ADGRF4: variants seen among roughly 807,000 people sequenced by gnomAD.
ADGRF4 encodes adhesion G protein-coupled receptor F4, also known as G-protein coupled receptor PGR18.
ADGRF4 carries 63 observed loss-of-function variants against 58.5 expected under a neutral mutation model. That is an observed-to-expected ratio of 1.08 (90% CI 0.88 to 1.33). The LOEUF (loss-of-function observed/expected upper bound fraction) is 1.33. Among genes scored for constraint, ADGRF4 ranks in the 40% most tolerant of loss-of-function variants. The pLI, the probability that ADGRF4 is intolerant of heterozygous loss-of-function variation, is 0.00. For missense variants in ADGRF4, 931 were observed against 843.9 expected, an observed-to-expected ratio of 1.10 and a Z score of -1.28; for synonymous variants, 313 against 295.4, an observed-to-expected ratio of 1.06 and a Z score of -0.61.
chr6:47,715,455 A>T (rs186160003), intron 6 of ADGRF4: 24 of 308,282 alleles, frequency 7.8e-5, no homozygotes, highest in African/African-American at 4.8e-4. Context: ...ATAGAGGACT[A>T]TTCTTTGGTC....
At chr6:47,719,912 T>C (rs1772116582) in intron 9 of ADGRF4, among the ~76,000 whole-genome samples, 1 of 152,290 alleles carries the variant, frequency 6.6e-6, no homozygotes, top group Non-Finnish European at 1.5e-5. Flanking sequence ...TAATTCTCTA[T>C]CAAGTTGCTG....
In ADGRF4 at chr6:47,714,676, A is replaced by C; in HGVS notation, c.1431A>C (p.Thr477=). Residue 477 remains threonine (T), a synonymous_variant, in exon 6 of 10, where the codon ACA becomes ACC. Transcript: ENST00000283303. The part of the protein sequence containing the change: ...AQDYNMCVAV[T]FFSHFFYLSL... ...ACTACAACATGTGTGTTGCAGTGACATTTTTCAGCCACTTTTTCTACCTCT... is the reference window on the plus strand; with the variant it reads ...ACTACAACATGTGTGTTGCAGTGACCTTTTTCAGCCACTTTTTCTACCTCT... The C allele has an allele frequency of 6.2e-7, 1 of 1,614,074 alleles. No individual in the cohort carries two copies. The highest frequency in any genetic ancestry group is 8.5e-7 in the Non-Finnish European group (1 of 1,180,014).
In ADGRF4 at chr6:47,707,346, T is replaced by G. The variant is rs2113897940; in HGVS notation, c.93+8T>G. ...TCCAAGATTCACCTAAAAGTAAGTT[T>G]GATCTATTCCTATGTGATCCGAGGA... On this transcript the variant is annotated splice_region_variant and intron_variant, in intron 2 of 9. Transcript: ENST00000283303. 6.5e-7 allele frequency: 1 copy of G among 1,532,160 alleles called. No individual in the cohort carries two copies. Among genetic ancestry groups the G allele is most frequent in the Non-Finnish European group, 9.0e-7 (1 of 1,105,154 alleles). The allele number at this position is 1,532,160 out of a possible 1,614,324, so 94.9% of individuals were successfully genotyped here. A position where few individuals can be genotyped will look rare whatever the true frequency, so the allele number is the denominator to read the frequency against.
chr6:47,709,132 C>G (rs1312486659), intron 3 of ADGRF4, among the ~76,000 whole-genome samples: 1 of 150,880 alleles, frequency 6.6e-6, no homozygotes, highest in East Asian at 1.9e-4. Flanking sequence ...CACAGAGCTG[C>G]CCAAGCCACT....
Position 47,714,917 on chromosome 6 carries a change from G to A in ADGRF4, c.1672G>A (p.Ala558Thr), listed in dbSNP as rs1174684002. 6.2e-7 allele frequency: 1 copy of A among 1,613,364 alleles called. No individual in the cohort carries two copies. Among genetic ancestry groups the A allele is most frequent in the Admixed American group, 1.7e-5 (1 of 59,988 alleles). Residue 558 changes from alanine to threonine, a missense_variant, in exon 6 of 10, where the codon GCC becomes ACC. Coordinates refer to ENST00000283303, the MANE Select transcript of ADGRF4 (RefSeq NM_153838.5). ...TTGGCTTAACTGGGACAATACCAAA[G>A]CCCTTTTAGCATTTGCCATCCCGGC... ...ACWLNWDNTKALLAFAIPAFV... is the reference protein window; with the variant it reads ...ACWLNWDNTKTLLAFAIPAFV...
At chr6:47,702,521 C>G (rs1375085953) in intron 1 of ADGRF4, among the ~76,000 whole-genome samples, 1 of 152,170 alleles carries the variant, frequency 6.6e-6, no homozygotes, top group Non-Finnish European at 1.5e-5. Flanking sequence ...TTTCTTTAAC[C>G]TTTTTGTGCC....
At chr6:47,701,210 T>C (rs1771581343) in intron 1 of ADGRF4, among the ~76,000 whole-genome samples, 1 of 152,244 alleles carries the variant, frequency 6.6e-6, no homozygotes, top group African/African-American at 2.4e-5. Context: ...TTCTTTGTAA[T>C]GACCATGTTA....
At chr6:47,710,100 A>G (rs1771825249) in intron 3 of ADGRF4, among the ~76,000 whole-genome samples, 1 of 152,174 alleles carries the variant, frequency 6.6e-6, no homozygotes, top group South Asian at 2.1e-4. Context: ...CACATCAAAC[A>G]AGGTCATATA....
At position 47,712,610 on chromosome 6, in the gene ADGRF4, T is replaced by C. The variant is rs758708505; in HGVS notation, c.552+2T>C. On this transcript the variant is annotated splice_donor_variant, in intron 5 of 9. Coordinates refer to ENST00000283303, the MANE Select transcript of ADGRF4 (RefSeq NM_153838.5). LOFTEE classifies it high-confidence loss of function. Reference sequence around the variant, plus strand: ...AATGTTACTCGAGAGAAAATGAAGGTATTCTTTGTTAATCATTTAAAAATG... The same window carrying C: ...AATGTTACTCGAGAGAAAATGAAGGCATTCTTTGTTAATCATTTAAAAATG... 2.6e-6 allele frequency: 4 copies of C among 1,563,204 alleles called. No individual in the cohort carries two copies. The South Asian group carries it at 4.5e-5, about 18-fold the overall frequency.
intron 1 of ADGRF4, among the ~76,000 whole-genome samples, chr6:47,699,189 C>T (rs966540456): frequency 1.3e-4 from 20 of 152,136 alleles, no homozygotes; most frequent in African/African-American, 4.8e-4. Context: ...TTTTAGTGAG[C>T]CTGAAAAAGC....
chr6:47,714,613 G>A lies in ADGRF4; in HGVS notation c.1368G>A (p.Trp456Ter). The change falls in exon 6 of 10, where the codon TGG (tryptophan) becomes TGA (stop). Residue 456 changes from tryptophan to a stop codon, truncating the protein, a stop_gained. Coordinates refer to ENST00000283303, the MANE Select transcript of ADGRF4 (RefSeq NM_153838.5). LOFTEE classifies it high-confidence loss of function. Reference protein sequence around the residue: ...IAVSLLTANVWFIIGSHFNIK... With the variant: ...IAVSLLTANV The stretch of plus-strand genomic sequence containing the variant: ...TGTCCCTTCTGACTGCCAATGTGTG[G>A]TTTATCATAGGCTCTCACTTTAACA... 1 of 1,614,090 alleles carries A rather than the reference G, an allele frequency of 6.2e-7. No individual in the cohort carries two copies. Among genetic ancestry groups the A allele is most frequent in the African/African-American group, 1.3e-5 (1 of 75,010 alleles).
At position 47,718,098 on chromosome 6, in the gene ADGRF4, C is replaced by A. The variant is rs145688855; in HGVS notation, c.2035-291C>A. Among the ~76,000 whole-genome samples, 83 of 152,302 alleles carry A rather than the reference C, an allele frequency of 5.4e-4. 2 individuals are homozygous for A. In the East Asian group the frequency reaches 0.013, roughly 23 times the overall value. On this transcript the variant is annotated intron_variant, in intron 8 of 9. Coordinates refer to ENST00000283303, the MANE Select transcript of ADGRF4 (RefSeq NM_153838.5). ...CATAATTTATCTATTCTAAGATAGG[C>A]ATTTTCTTCGTCTTTTAACGTTTCT...
In ADGRF4 at chr6:47,713,790, C is replaced by T. The variant is rs1771929380; in HGVS notation, c.553-8C>T. On this transcript the variant is annotated splice_polypyrimidine_tract_variant and splice_region_variant and intron_variant, in intron 5 of 9. Transcript: ENST00000283303. ...CCTTAGTATAATGTTCACCTTTCTC[C>T]ATTGCAGAGCTATAGTGAAGTGGCC... is the stretch of plus-strand genomic sequence containing the variant. 1 of 1,516,672 alleles carries T rather than the reference C, an allele frequency of 6.6e-7. No homozygotes were observed. Among genetic ancestry groups the T allele is most frequent in the South Asian group, 1.3e-5 (1 of 74,166 alleles). 94.0% of individuals were successfully genotyped at this position (1,516,672 alleles called of 1,614,324 possible).
chr6:47,718,564 G>A (rs906243473), intron 9 of ADGRF4, 119 bp downstream of exon 9: 19 of 701,500 alleles, frequency 2.7e-5, no homozygotes, highest in African/African-American at 1.8e-4. Flanking sequence ...AGGGGAAGAG[G>A]GGGACATCTT....
At chr6:47,700,925 A>G (rs928418810) in intron 1 of ADGRF4, among the ~76,000 whole-genome samples, 1 of 151,260 alleles carries the variant, frequency 6.6e-6, no homozygotes, top group African/African-American at 2.5e-5. Context: ...ATAGAGAAAC[A>G]TCAGGTGTTT....
rs748718756 is a variant in ADGRF4 at position 47,712,637 on chromosome 6, T to C, written c.552+29T>C. 3 of 1,532,222 alleles carry C rather than the reference T, an allele frequency of 2.0e-6. No individual in the cohort carries two copies. In the Admixed American group the frequency reaches 5.2e-5, roughly 27 times the overall value. 94.9% of individuals were successfully genotyped at this position (1,532,222 alleles called of 1,614,324 possible). ...TTCTTTGTTAATCATTTAAAAATGATGTTTTTCTTAAAATTTTCATTTGAA... is the reference window on the plus strand; with the variant it reads ...TTCTTTGTTAATCATTTAAAAATGACGTTTTTCTTAAAATTTTCATTTGAA... On this transcript the variant is annotated intron_variant, in intron 5 of 9. Transcript: ENST00000283303.
At chr6:47,711,365 C>T (rs1469123978) in intron 4 of ADGRF4, among the ~76,000 whole-genome samples, 4 of 152,234 alleles carry the variant, frequency 2.6e-5, no homozygotes, top group South Asian at 4.2e-4. Flanking sequence ...CGGGTTCAAG[C>T]AATTTTCCTG....
At chr6:47,698,969 C>T (rs1225654317) in intron 1 of ADGRF4, among the ~76,000 whole-genome samples, 175 bp downstream of exon 1, 1 of 152,200 alleles carries the variant, frequency 6.6e-6, no homozygotes. Context: ...TGGAGTATTT[C>T]CTAAGCCTCT....
intron 1 of ADGRF4, among the ~76,000 whole-genome samples, chr6:47,703,919 T>C (rs1195911219): frequency 6.6e-6 from 1 of 152,198 alleles, no homozygotes; most frequent in Non-Finnish European, 1.5e-5. Flanking sequence ...ATTTTTAGAC[T>C]TCACAAATGA....
Sources: gnomAD v4.1 joint callset for allele counts (sites outside exome capture counted in the v4.1 genomes callset) on GRCh38, gnomAD v4.1.1 for gene constraint, MANE v1.5 for transcripts, NCBI Gene and HGNC (gene_info 2026-07-23, HGNC 2026-07-21) for gene names.